The following MCU variants were observed in gnomAD, a reference collection of about 807,000 sequenced individuals.
The protein encoded by MCU is mitochondrial calcium uniporter.
Under a neutral mutation model 45.2 loss-of-function variants are expected in MCU, and 12 were observed. The observed-to-expected ratio is 0.27, with a 90% confidence interval of 0.17 to 0.43. MCU has a LOEUF of 0.43. MCU is among the 20% of genes least tolerant of loss of function. The pLI, the probability that MCU is intolerant of heterozygous loss-of-function variation, is 1.00. For synonymous variants in MCU, 160 were observed against 165.1 expected (o/e 0.97, Z 0.24); for missense variants, 324 against 436.7 (o/e 0.74, Z 2.30).
intron 1 of MCU, among the ~76,000 whole-genome samples, chr10:72,801,917 C>T (rs1193623444): frequency 2.6e-5 from 4 of 152,078 alleles, no homozygotes; most frequent in Non-Finnish European, 4.4e-5. Flanking sequence ...AAGCAATCCA[C>T]CCACCTCGGC....
rs1436090250 is a variant in MCU at position 72,780,843 on chromosome 10, G to A, written c.151-53516G>A. ...GGCTTATTTGTGATAGTTAAATGAA[G>A]TTTTAGATGGGAAAGGACTCTTAAA... On this transcript the variant is annotated intron_variant, in intron 1 of 7. Transcript: ENST00000373053. Among the ~76,000 whole-genome samples the A allele has an allele frequency of 2.0e-5, 3 of 152,084 alleles. No homozygotes were observed. In the East Asian group the frequency reaches 5.8e-4, roughly 29 times the overall value.
intron 1 of MCU, among the ~76,000 whole-genome samples, chr10:72,708,719 G>A (rs1842853734): frequency 6.6e-6 from 1 of 152,300 alleles, no homozygotes; most frequent in South Asian, 2.1e-4. Context: ...TTATGGGAAT[G>A]TCAAGAAGGA....
At chr10:72,719,776 A>T (rs1485613484) in intron 1 of MCU, among the ~76,000 whole-genome samples, 2 of 152,236 alleles carry the variant, frequency 1.3e-5, no homozygotes, top group Admixed American at 1.3e-4. Flanking sequence ...TAGTTATTTT[A>T]AAATATACAA....
intron 2 of MCU, among the ~76,000 whole-genome samples, chr10:72,849,138 G>A (rs771637445): frequency 2.6e-5 from 4 of 151,854 alleles, no homozygotes; most frequent in Admixed American, 6.6e-5. Flanking sequence ...AAAATTAGCC[G>A]GGCATGGTGG....
chr10:72,809,077 G>A (rs771338555), intron 1 of MCU, among the ~76,000 whole-genome samples: 2 of 152,338 alleles, frequency 1.3e-5, no homozygotes, highest in East Asian at 3.9e-4. Context: ...CTTTCTGTTG[G>A]AGAGTGACTG....
At chr10:72,800,171 T>G (rs1031662694) in intron 1 of MCU, among the ~76,000 whole-genome samples, 4 of 152,196 alleles carry the variant, frequency 2.6e-5, no homozygotes, top group Non-Finnish European at 5.9e-5. Flanking sequence ...AGTTGCGATG[T>G]GTCTTTTCCA....
At chr10:72,859,764 G>T in intron 3 of MCU, among the ~76,000 whole-genome samples, 1 of 151,704 alleles carries the variant, frequency 6.6e-6, no homozygotes. Context: ...ATAAACTAAG[G>T]CACTAAAAAT....
Position 72,859,327 on chromosome 10 carries a change from G to C in MCU, c.371G>C (p.Arg124Thr). 1.9e-6 allele frequency: 3 copies of C among 1,612,556 alleles called. No individual in the cohort carries two copies. Among genetic ancestry groups the C allele is most frequent in the Non-Finnish European group, 2.5e-6 (3 of 1,179,404 alleles). Residue 124 changes from arginine to threonine, a missense_variant, in exon 3 of 8, where the codon AGA becomes ACA. By Grantham distance (71) the Arg-to-Thr change is moderately conservative (BLOSUM62 -1). Transcript: ENST00000373053. The part of the protein sequence containing the change: ...QLQEEDRGID[R>T]VAIYSPDGVR... ...CAAGAAGAGGATCGGGGAATTGACA[G>C]AGTTGCTATCTATTCACCAGGTATA...
At chr10:72,777,226 A>C (rs1001694496) in intron 1 of MCU, among the ~76,000 whole-genome samples, 1 of 152,358 alleles carries the variant, frequency 6.6e-6, no homozygotes, top group Non-Finnish European at 1.5e-5. Context: ...TGGAATTACA[A>C]AAGACCTTGG....
intron 1 of MCU, among the ~76,000 whole-genome samples, chr10:72,755,395 G>T (rs1222073192): frequency 6.6e-6 from 1 of 152,026 alleles, no homozygotes; most frequent in East Asian, 1.9e-4. Context: ...TGACCCACCC[G>T]CCTTGGCCTC....
intron 1 of MCU, among the ~76,000 whole-genome samples, chr10:72,788,820 T>A (rs1844115924): frequency 6.6e-6 from 1 of 152,230 alleles, no homozygotes; most frequent in Non-Finnish European, 1.5e-5. Flanking sequence ...CTTGATAAAG[T>A]ACTTGCTTGC....
At chr10:72,707,323 C>T (rs560818495) in intron 1 of MCU, among the ~76,000 whole-genome samples, 1 of 151,446 alleles carries the variant, frequency 6.6e-6, no homozygotes, top group African/African-American at 2.4e-5. Context: ...CTCAGCCTCC[C>T]GAGTAGCTGG....
At chr10:72,863,343 A>G (rs1223758244) in intron 4 of MCU, among the ~76,000 whole-genome samples, 2 of 152,176 alleles carry the variant, frequency 1.3e-5, no homozygotes, top group African/African-American at 2.4e-5. Context: ...GATTCCTTCT[A>G]TATTGAGTGA....
At chr10:72,877,889 G>T (rs1044112158) in intron 6 of MCU, among the ~76,000 whole-genome samples, 5 of 152,002 alleles carry the variant, frequency 3.3e-5, no homozygotes, top group Non-Finnish European at 7.4e-5. Context: ...ACCTGTAAAG[G>T]CTACCATTGT....
At chr10:72,796,660 C>A (rs567646492) in intron 1 of MCU, among the ~76,000 whole-genome samples, 2 of 150,832 alleles carry the variant, frequency 1.3e-5, no homozygotes, top group African/African-American at 4.9e-5. Flanking sequence ...ACTACAGGTG[C>A]GTACCACCAC....
intron 1 of MCU, among the ~76,000 whole-genome samples, chr10:72,748,455 A>G (rs1843446427): frequency 6.6e-6 from 1 of 152,176 alleles, no homozygotes; most frequent in Non-Finnish European, 1.5e-5. Context: ...TCCCCATCAG[A>G]TCGATTAACA....
At chr10:72,834,290 A>G (rs1198823086) in intron 1 of MCU, 69 bp from the exon 2 acceptor site, 3 of 1,118,928 alleles carry the variant, frequency 2.7e-6, no homozygotes, top group Non-Finnish European at 2.7e-6. Context: ...TATATTTATT[A>G]TATACACACA....
intron 1 of MCU, among the ~76,000 whole-genome samples, chr10:72,778,916 G>T (rs1843943604): frequency 1.3e-5 from 2 of 152,198 alleles, no homozygotes; most frequent in South Asian, 4.1e-4. Flanking sequence ...AAAACAGTGT[G>T]GAGCCTGCAT....
rs752910299 is a variant in MCU, at chr10:72,860,536, G to T, written c.496+9G>T. On this transcript the variant is annotated intron_variant, in intron 4 of 7. Transcript: ENST00000373053. ...ACGACCACCAAAAAGAGGTAAAATA[G>T]TAACCTTGGTAAGGTCACAGAAATG... 2.5e-6 allele frequency: 4 copies of T among 1,599,942 alleles called. No individual in the cohort carries two copies. The highest frequency in any genetic ancestry group is 2.6e-6 in the Non-Finnish European group (3 of 1,168,148).
Sources: gnomAD v4.1 joint callset for allele counts (sites outside exome capture counted in the v4.1 genomes callset) on GRCh38, gnomAD v4.1.1 for gene constraint, MANE v1.5 for transcripts, NCBI Gene and HGNC (gene_info 2026-07-23, HGNC 2026-07-21) for gene names.